ZNF248: variants seen among roughly 807,000 people sequenced by gnomAD.
ZNF248 encodes zinc finger protein 248.
A neutral mutation model predicts 44.3 loss-of-function variants in ZNF248; 20 were observed. The ratio of observed to expected loss-of-function variants is 0.45; its 90% confidence interval spans 0.32 to 0.66. The LOEUF (loss-of-function observed/expected upper bound fraction) is 0.66, where lower values mean the gene tolerates loss of function less well. Among genes scored for constraint, ZNF248 ranks in the 30% least tolerant of loss-of-function variants. The probability of loss-of-function intolerance (pLI) is 0.04; values close to 1 mark genes in which losing one functional copy is unlikely to be tolerated. For synonymous variants in ZNF248, 224 were observed against 229.0 expected (o/e 0.98, Z 0.20); for missense variants, 654 against 677.0 (o/e 0.97, Z 0.38).
chr10:37,830,099 C>T lies in ZNF248; in HGVS notation c.*1516G>A, dbSNP rs188864025. 820 of 985,312 alleles carry T rather than the reference C, an allele frequency of 8.3e-4. 2 individuals carry two copies. Among genetic ancestry groups the T allele is most frequent in the South Asian group, 6.7e-3 (143 of 21,278 alleles). The allele number at this position is 985,312 out of a possible 1,614,324, so 61.0% of individuals were successfully genotyped here. A position where few individuals can be genotyped will look rare whatever the true frequency, so the allele number is the denominator to read the frequency against. ...TACGCAGAACTAGTGTTACATAGAC[C>T]GTGCCCAAACAGATACACAATGAAA... On this transcript the variant is annotated 3_prime_UTR_variant, in exon 6 of 6. Coordinates refer to ENST00000395867, the MANE Select transcript of ZNF248 (RefSeq NM_021045.3).
intron 6 of ZNF248, among the ~76,000 whole-genome samples, chr10:37,793,521 G>A (rs993155121): frequency 1.3e-5 from 2 of 152,118 alleles, no homozygotes; most frequent in African/African-American, 4.8e-5. Flanking sequence ...ACATTTGTCA[G>A]ATAAAATAAA....
chr10:37,778,206 T>C (rs1249390543), intron 6 of ZNF248, among the ~76,000 whole-genome samples: 2 of 151,604 alleles, frequency 1.3e-5, no homozygotes, highest in African/African-American at 4.8e-5. Context: ...TGTTGTTTCC[T>C]GACTTTTTAA....
downstream of ZNF248, among the ~76,000 whole-genome samples, chr10:37,823,863 C>T (rs2053910515): frequency 6.6e-6 from 1 of 151,926 alleles, no homozygotes; most frequent in Admixed American, 6.6e-5. Context: ...CGTGAGCCAC[C>T]ATACCAGGGC....
chr10:37,828,426 A>C (rs978851514), downstream of ZNF248, among the ~76,000 whole-genome samples: 17 of 152,192 alleles, frequency 1.1e-4, no homozygotes, highest in Non-Finnish European at 2.5e-4. Context: ...GAGCAAATGT[A>C]CTTTCTCAAT....
At chr10:37,773,910 C>T (rs1340506556), downstream of ZNF248, among the ~76,000 whole-genome samples, 1 of 152,090 alleles carries the variant, frequency 6.6e-6, no homozygotes, top group African/African-American at 2.4e-5. Flanking sequence ...CTGCCTAGCT[C>T]CCAGCCTGCT....
At chr10:37,767,198 C>T in the ZNF248 span, among the ~76,000 whole-genome samples, 3 of 152,192 alleles carry the variant, frequency 2.0e-5, no homozygotes, top group African/African-American at 7.2e-5. Flanking sequence ...GGAACACACT[C>T]TGCAGGATAT....
chr10:37,850,374 C>T (rs944104391), intron 3 of ZNF248, among the ~76,000 whole-genome samples: 4 of 152,124 alleles, frequency 2.6e-5, no homozygotes, highest in Non-Finnish European at 5.9e-5. Context: ...ATATCTTACC[C>T]TTAAAATCAG....
At chr10:37,807,691 T>C (rs2133329965) in intron 6 of ZNF248, among the ~76,000 whole-genome samples, 1 of 152,232 alleles carries the variant, frequency 6.6e-6, no homozygotes, top group East Asian at 1.9e-4. Context: ...AATTTCCTTT[T>C]AGGATTTTTT....
intron 6 of ZNF248, among the ~76,000 whole-genome samples, chr10:37,780,795 G>C (rs2047210809): frequency 6.6e-6 from 1 of 152,268 alleles, no homozygotes; most frequent in East Asian, 1.9e-4. Context: ...CGAGCCGCGC[G>C]GGACCCTGGT....
the ZNF248 span, among the ~76,000 whole-genome samples, chr10:37,765,057 T>C: frequency 0.06 from 9,103 of 152,196 alleles, 353 homozygotes; most frequent in Middle Eastern, 0.095. Context: ...GCCTCCTGGT[T>C]TCAAGAGATT....
chr10:37,768,002 A>G, the ZNF248 span, among the ~76,000 whole-genome samples: 1 of 152,192 alleles, frequency 6.6e-6, no homozygotes, highest in African/African-American at 2.4e-5. Context: ...CAGACTTTAA[A>G]CCAACACAGA....
intron 6 of ZNF248, among the ~76,000 whole-genome samples, chr10:37,814,155 C>A (rs2052031645): frequency 6.6e-6 from 1 of 151,670 alleles, no homozygotes; most frequent in South Asian, 2.1e-4. Flanking sequence ...TTTTAATTCC[C>A]TTCTCATTTC....
Position 37,831,301 on chromosome 10 carries a change from C to G in ZNF248, c.*314G>C, listed in dbSNP as rs1322348861. Reference sequence around the variant, plus strand: ...GCTGCTGTCATTCAACTTTTATAAGCTTCAGATTCCACTGTGAATATGGGT... The same window carrying G: ...GCTGCTGTCATTCAACTTTTATAAGGTTCAGATTCCACTGTGAATATGGGT... On this transcript the variant is annotated 3_prime_UTR_variant, in exon 6 of 6. Transcript: ENST00000395867. 1 of 1,549,588 alleles carries G rather than the reference C, an allele frequency of 6.5e-7. No homozygotes were observed. Among genetic ancestry groups the G allele is most frequent in the Non-Finnish European group, 8.7e-7 (1 of 1,146,194 alleles).
At chr10:37,810,538 T>A (rs2051325917) in intron 6 of ZNF248, among the ~76,000 whole-genome samples, 3 of 152,104 alleles carry the variant, frequency 2.0e-5, no homozygotes, top group Non-Finnish European at 4.4e-5. Context: ...ATATATGGAG[T>A]TTTTCCAACA....
chr10:37,842,130 G>T (rs1373247256), intron 3 of ZNF248, among the ~76,000 whole-genome samples: 1 of 152,120 alleles, frequency 6.6e-6, no homozygotes, highest in Non-Finnish European at 1.5e-5. Context: ...TCTATGGGAG[G>T]TATATGGAAA....
At chr10:37,816,039 C>A (rs556058157) in intron 6 of ZNF248, among the ~76,000 whole-genome samples, 1 of 149,470 alleles carries the variant, frequency 6.7e-6, no homozygotes, top group Non-Finnish European at 1.5e-5. Context: ...GGGGAAAGCA[C>A]GAAGTCTTTA....
chr10:37,846,962 A>C (rs1649913349), intron 3 of ZNF248, among the ~76,000 whole-genome samples: 1 of 152,214 alleles, frequency 6.6e-6, no homozygotes, highest in African/African-American at 2.4e-5. Flanking sequence ...AAAAATGCAA[A>C]AACTGGGAAA....
In ZNF248 at chr10:37,857,529, G is replaced by A. The variant is rs1026229401; in HGVS notation, c.-470C>T. 2 of 152,238 alleles carry A rather than the reference G, an allele frequency of 1.3e-5. No individual in the cohort carries two copies. The highest frequency in any genetic ancestry group is 6.5e-5 in the Admixed American group (1 of 15,286). 9.4% of individuals were successfully genotyped at this position (152,238 alleles called of 1,614,324 possible). ...ATTCCTAATATCCGTAATTTACAGA[G>A]AGGAAAACCGAGTCTCCCGTGGATA... On this transcript the variant is annotated 5_prime_UTR_variant, in exon 1 of 6. Coordinates refer to ENST00000395867, the MANE Select transcript of ZNF248 (RefSeq NM_021045.3).
At chr10:37,807,617 G>A (rs1464254835) in intron 6 of ZNF248, among the ~76,000 whole-genome samples, 1 of 152,100 alleles carries the variant, frequency 6.6e-6, no homozygotes, top group Non-Finnish European at 1.5e-5. Flanking sequence ...ACATTTTGTA[G>A]TTTTCAGTGT....
Sources: gnomAD v4.1 joint callset for allele counts (sites outside exome capture counted in the v4.1 genomes callset) on GRCh38, gnomAD v4.1.1 for gene constraint, MANE v1.5 for transcripts, NCBI Gene and HGNC (gene_info 2026-07-23, HGNC 2026-07-21) for gene names.